The following PKD2L2 variants were observed in gnomAD, a reference collection of about 807,000 sequenced individuals.
The protein encoded by PKD2L2 is polycystin-2-like protein 2.
PKD2L2 carries 67 observed loss-of-function variants against 83.9 expected under a neutral mutation model. The ratio of observed to expected loss-of-function variants is 0.80; its 90% CI spans 0.66 to 0.98. The LOEUF (loss-of-function observed/expected upper bound fraction) is 0.98. PKD2L2 is among the 50% of genes least tolerant of loss of function. PKD2L2 has a pLI of 0.00. For synonymous variants in PKD2L2, 223 were observed against 237.8 expected (o/e 0.94, Z 0.57); for missense variants, 632 against 717.2 (o/e 0.88, Z 1.36).
chr5:137,894,007 G>T (rs976591754), intron 3 of PKD2L2, among the ~76,000 whole-genome samples: 1 of 152,074 alleles, frequency 6.6e-6, no homozygotes, highest in African/African-American at 2.4e-5. Flanking sequence ...TGGGAGGAGG[G>T]GTACAGACAA....
At chr5:137,926,705 G>T (rs570937560) in intron 12 of PKD2L2, among the ~76,000 whole-genome samples, 1 of 152,176 alleles carries the variant, frequency 6.6e-6, no homozygotes, top group African/African-American at 2.4e-5. Flanking sequence ...CTCCTTCGAG[G>T]TCTCGCTAAT....
At chr5:137,930,437 C>G (rs1243701418) in intron 12 of PKD2L2, among the ~76,000 whole-genome samples, 1 of 152,092 alleles carries the variant, frequency 6.6e-6, no homozygotes, top group African/African-American at 2.4e-5. Flanking sequence ...CTTTGGGAGG[C>G]TGAGGTGGGC....
At chr5:137,916,754 G>A (rs1758393435) in intron 8 of PKD2L2, among the ~76,000 whole-genome samples, 1 of 152,114 alleles carries the variant, frequency 6.6e-6, no homozygotes, top group South Asian at 2.1e-4. Flanking sequence ...AGGGATTACA[G>A]GCGTGAGCCA....
chr5:137,905,307 C>T (rs1333413159), intron 5 of PKD2L2, among the ~76,000 whole-genome samples: 1 of 152,122 alleles, frequency 6.6e-6, no homozygotes, highest in Non-Finnish European at 1.5e-5. Context: ...CGTTTTTGTA[C>T]AATTATCAGG....
chr5:137,911,044 C>A (rs1284656996), intron 8 of PKD2L2, among the ~76,000 whole-genome samples: 1 of 152,138 alleles, frequency 6.6e-6, no homozygotes, highest in Non-Finnish European at 1.5e-5. Context: ...TCATATTGTG[C>A]AACCATCACC....
At chr5:137,913,927 G>A (rs943080173) in intron 8 of PKD2L2, among the ~76,000 whole-genome samples, 1 of 148,020 alleles carries the variant, frequency 6.8e-6, no homozygotes, top group Non-Finnish European at 1.5e-5. Flanking sequence ...GAGTGCAATG[G>A]TGTGATCCCG....
chr5:137,918,942 CAATGTGTGTGTGTGTGTGTGTGTGTG>C (rs1758630130), intron 8 of PKD2L2, among the ~76,000 whole-genome samples: 1 of 145,162 alleles, frequency 6.9e-6, no homozygotes, highest in African/African-American at 2.5e-5. Context: ...AGGGCCTGCA[CAATGTGTGTGTGTGTGTGTGTGTGTG>C]AGTGTGTGTG....
intron 12 of PKD2L2, among the ~76,000 whole-genome samples, chr5:137,934,554 A>C (rs1412898120): frequency 6.6e-6 from 1 of 152,084 alleles, no homozygotes. Flanking sequence ...CGCACCTGTA[A>C]TCCCAGCACG....
At chr5:137,895,813 G>A (rs1265933709) in intron 4 of PKD2L2, among the ~76,000 whole-genome samples, 4 of 151,308 alleles carry the variant, frequency 2.6e-5, no homozygotes, top group Non-Finnish European at 5.9e-5. Flanking sequence ...AGAAGGCGAA[G>A]GTTGTGGTGA....
intron 2 of PKD2L2, among the ~76,000 whole-genome samples, chr5:137,891,138 A>T (rs1355407920): frequency 6.6e-6 from 1 of 152,202 alleles, no homozygotes; most frequent in East Asian, 1.9e-4. Context: ...ATATGCAAAG[A>T]GGAGTATTAA....
intron 11 of PKD2L2, 102 bp from the exon 12 acceptor site, chr5:137,925,773 A>T (rs1228762497): frequency 1.7e-6 from 1 of 590,878 alleles, no homozygotes; most frequent in Non-Finnish European, 3.0e-6. Context: ...TATCAGGAAG[A>T]AATATTATTC....
intron 8 of PKD2L2, among the ~76,000 whole-genome samples, chr5:137,916,374 A>T (rs1758343667): frequency 4.6e-5 from 7 of 151,234 alleles, no homozygotes; most frequent in Admixed American, 3.9e-4. Context: ...ATGAAGTTTC[A>T]TCATGTTGGC....
chr5:137,923,030 T>TA (rs35175503), intron 9 of PKD2L2, among the ~76,000 whole-genome samples: 6 of 151,248 alleles, frequency 4.0e-5, no homozygotes, highest in Non-Finnish European at 5.9e-5. Context: ...TTTTTTTTTT[T>TA]AGACGGAGTC....
At chr5:137,938,278 T>C (rs193210302) in intron 14 of PKD2L2, 38 of 152,702 alleles carry the variant, frequency 2.5e-4, no homozygotes, top group African/African-American at 8.7e-4. Context: ...CACTGACTTA[T>C]AAAAATATGG....
chr5:137,891,175 T>A (rs1229156103), intron 2 of PKD2L2, among the ~76,000 whole-genome samples: 2 of 152,210 alleles, frequency 1.3e-5, no homozygotes, highest in Admixed American at 6.5e-5. Flanking sequence ...GCACCCAACA[T>A]AACAGTAGAT....
intron 12 of PKD2L2, among the ~76,000 whole-genome samples, chr5:137,932,833 T>C (rs762922921): frequency 6.6e-6 from 1 of 152,132 alleles, no homozygotes; most frequent in Non-Finnish European, 1.5e-5. Context: ...CAGTGAGCAT[T>C]TCCTTTGAGA....
chr5:137,941,699 C>A (rs1329252907), intron 14 of PKD2L2, among the ~76,000 whole-genome samples: 1 of 152,200 alleles, frequency 6.6e-6, no homozygotes, highest in Non-Finnish European at 1.5e-5. Context: ...TATAAAATCA[C>A]TGCAATACAA....
intron 4 of PKD2L2, among the ~76,000 whole-genome samples, chr5:137,894,932 G>A (rs1029250966): frequency 6.6e-6 from 1 of 152,176 alleles, no homozygotes; most frequent in Non-Finnish European, 1.5e-5. Context: ...GTGGCTAGAT[G>A]CCCACAACAC....
intron 12 of PKD2L2, among the ~76,000 whole-genome samples, chr5:137,929,703 A>C (rs1414335040): frequency 6.6e-6 from 1 of 152,132 alleles, no homozygotes; most frequent in African/African-American, 2.4e-5. Flanking sequence ...CTTCAAATAT[A>C]AAGGCTCGAA....
Sources: gnomAD v4.1 joint callset for allele counts (sites outside exome capture counted in the v4.1 genomes callset) on GRCh38, gnomAD v4.1.1 for gene constraint, MANE v1.5 for transcripts, NCBI Gene and HGNC (gene_info 2026-07-23, HGNC 2026-07-21) for gene names.